ME1: variants seen among roughly 807,000 people sequenced by gnomAD.
ME1 encodes NADP-dependent malic enzyme.
A neutral mutation model predicts 66.4 loss-of-function variants in ME1; 74 were observed. That is an observed-to-expected ratio of 1.11 (90% CI 0.92 to 1.35). The LOEUF is 1.35. ME1 is among the 40% of genes most tolerant of loss of function. ME1 has a pLI of 0.00. For synonymous variants in ME1, 251 were observed against 235.6 expected (o/e 1.07, Z -0.60); for missense variants, 750 against 694.1 (o/e 1.08, Z -0.90).
rs1364443739 is a variant in ME1 at position 83,216,519 on chromosome 6, A to C, written c.1527T>G (p.Val509=). ...LYPPLNTIRD[V]SLKIAEKIVK... The stretch of plus-strand genomic sequence containing the variant: ...TTACCTTTTCTGCAATTTTCAGAGA[A>C]ACATCTCTAATGGTATTCAAAGGAG... The change falls in exon 13 of 14, where the codon GTT becomes GTG. Residue 509 remains valine, a synonymous_variant. Coordinates refer to ENST00000369705, the MANE Select transcript of ME1 (RefSeq NM_002395.6). 1.2e-6 allele frequency: 2 copies of C among 1,605,820 alleles called. No individual in the cohort carries two copies. The highest frequency in any genetic ancestry group is 1.7e-5 in the Admixed American group (1 of 58,042).
intron 2 of ME1, among the ~76,000 whole-genome samples, chr6:83,400,543 T>G (rs374025202): frequency 6.6e-6 from 1 of 152,344 alleles, no homozygotes; most frequent in East Asian, 1.9e-4. Flanking sequence ...GAATAAATTG[T>G]GTTGGCTTTA....
intron 5 of ME1, among the ~76,000 whole-genome samples, chr6:83,322,740 T>C (rs929444199): frequency 1.3e-5 from 2 of 152,274 alleles, no homozygotes; most frequent in South Asian, 2.1e-4. Flanking sequence ...CTTCAGGATA[T>C]TATCCAAGAG....
intron 5 of ME1, among the ~76,000 whole-genome samples, chr6:83,329,420 C>CT (rs1768363421): frequency 6.6e-6 from 1 of 152,146 alleles, no homozygotes; most frequent in African/African-American, 2.4e-5. Flanking sequence ...TACTGGTACT[C>CT]TGCTCTCCTA....
chr6:83,406,089 T>A (rs1480259444), intron 2 of ME1, among the ~76,000 whole-genome samples: 1 of 152,206 alleles, frequency 6.6e-6, no homozygotes, highest in African/African-American at 2.4e-5. Context: ...GAAATAATCA[T>A]GTGAGTTTTG....
chr6:83,323,682 T>C (rs1401279806), intron 5 of ME1, among the ~76,000 whole-genome samples: 1 of 152,160 alleles, frequency 6.6e-6, no homozygotes, highest in African/African-American at 2.4e-5. Context: ...CCCAGGTTCA[T>C]AAAGCAAGTT....
chr6:83,361,379 T>G (rs1769004475), intron 3 of ME1, among the ~76,000 whole-genome samples: 1 of 152,236 alleles, frequency 6.6e-6, no homozygotes, highest in Admixed American at 6.5e-5. Context: ...GGCAACACAT[T>G]CCTCATTTGG....
intron 12 of ME1, among the ~76,000 whole-genome samples, chr6:83,217,719 AG>A (rs1202502906): frequency 1.3e-5 from 2 of 152,186 alleles, no homozygotes; most frequent in African/African-American, 4.8e-5. Context: ...AACAGAAAGT[AG>A]GTAGGCATTT....
chr6:83,286,553 CA>C (rs1434652843), intron 6 of ME1, among the ~76,000 whole-genome samples: 1 of 151,956 alleles, frequency 6.6e-6, no homozygotes, highest in African/African-American at 2.4e-5. Context: ...TATTGAGAAA[CA>C]ATGAGTTCAA....
At chr6:83,267,963 C>A (rs1171796232) in intron 6 of ME1, among the ~76,000 whole-genome samples, 1 of 152,126 alleles carries the variant, frequency 6.6e-6, no homozygotes, top group Admixed American at 6.6e-5. Flanking sequence ...GTGTCACATT[C>A]TTCTTTTTTT....
intron 6 of ME1, among the ~76,000 whole-genome samples, chr6:83,312,559 G>T (rs940253255): frequency 6.6e-6 from 1 of 152,160 alleles, no homozygotes; most frequent in Non-Finnish European, 1.5e-5. Context: ...TGGAGAAAGA[G>T]GGGGAGGTTG....
At position 83,385,958 on chromosome 6, in the gene ME1, T is replaced by C. The variant is rs945508330; in HGVS notation, c.362+12409A>G. The stretch of plus-strand genomic sequence containing the variant: ...TCCACTTTTAATAAATAATTATCTT[T>C]AACTACAAAATCAACTGAGGTAACA... On this transcript the variant is annotated intron_variant, in intron 3 of 13. Transcript: ENST00000369705. Among the ~76,000 whole-genome samples, 48 of 151,932 alleles carry C rather than the reference T, an allele frequency of 3.2e-4. 1 individual carries two copies. Among genetic ancestry groups the C allele is most frequent in the African/African-American group, 1.2e-3 (48 of 41,274 alleles).
chr6:83,398,375 C>T lies in ME1; in HGVS notation c.354G>A (p.Arg118=). 11 of 1,574,216 alleles carry T rather than the reference C, an allele frequency of 7.0e-6. No individual in the cohort carries two copies. The highest frequency in any genetic ancestry group is 9.4e-6 in the Non-Finnish European group (11 of 1,165,974). ...AATAAAAGTTGACATACCTTGGCTT[C>T]CGAAACACCAAACTATATTGTTGGC... ...LACQQYSLVF[R]KPRGLFITIH... The change falls in exon 3 of 14, where the codon CGG becomes CGA. Residue 118 remains arginine, a synonymous_variant. Coordinates refer to ENST00000369705, the MANE Select transcript of ME1 (RefSeq NM_002395.6).
intron 3 of ME1, among the ~76,000 whole-genome samples, chr6:83,364,530 A>G (rs987425468): frequency 6.6e-6 from 1 of 152,214 alleles, no homozygotes; most frequent in Non-Finnish European, 1.5e-5. Context: ...CCCTGGAGTC[A>G]GCAATTTTTC....
chr6:83,256,710 T>C (rs1766778902), intron 6 of ME1, among the ~76,000 whole-genome samples: 2 of 152,192 alleles, frequency 1.3e-5, no homozygotes, highest in South Asian at 2.1e-4. Flanking sequence ...CAAAGGATTA[T>C]AAACCATTCT....
chr6:83,297,766 T>A (rs531603028), intron 6 of ME1, among the ~76,000 whole-genome samples: 1 of 152,092 alleles, frequency 6.6e-6, no homozygotes, highest in Non-Finnish European at 1.5e-5. Flanking sequence ...CAGGCCCCAG[T>A]GTGTGTTCTT....
chr6:83,310,585 C>T (rs546618156), intron 6 of ME1, among the ~76,000 whole-genome samples: 1 of 152,120 alleles, frequency 6.6e-6, no homozygotes, highest in Non-Finnish European at 1.5e-5. Context: ...GACCCCACCA[C>T]TGGTAGAAGA....
chr6:83,303,097 T>C (rs935618977), intron 6 of ME1, among the ~76,000 whole-genome samples: 1 of 152,124 alleles, frequency 6.6e-6, no homozygotes. Flanking sequence ...TTGAGATAAA[T>C]GCACAGGACA....
At chr6:83,246,865 C>T (rs1316514471) in intron 7 of ME1, among the ~76,000 whole-genome samples, 2 of 152,060 alleles carry the variant, frequency 1.3e-5, no homozygotes, top group Non-Finnish European at 2.9e-5. Flanking sequence ...GCATCATTAA[C>T]AGTTGGGTTT....
chr6:83,242,997 C>G (rs1208046820), intron 7 of ME1, among the ~76,000 whole-genome samples: 3 of 152,170 alleles, frequency 2.0e-5, no homozygotes, highest in Non-Finnish European at 4.4e-5. Flanking sequence ...AGGTTTATGT[C>G]CTGTAACCTC....
Sources: gnomAD v4.1 joint callset for allele counts (sites outside exome capture counted in the v4.1 genomes callset) on GRCh38, gnomAD v4.1.1 for gene constraint, MANE v1.5 for transcripts, NCBI Gene and HGNC (gene_info 2026-07-23, HGNC 2026-07-21) for gene names.